Variants in CD96 observed in about 807,000 individuals in gnomAD.
The protein encoded by CD96 is CD96 molecule, also known as T-cell surface protein tactile.
A neutral mutation model predicts 71.3 loss-of-function variants in CD96; 70 were observed. That is an observed-to-expected ratio of 0.98 (90% CI 0.81 to 1.20). The LOEUF (loss-of-function observed/expected upper bound fraction) is 1.20, where lower values mean the gene tolerates loss of function less well. Ranked by LOEUF, CD96 falls within the 50% of genes most tolerant of loss-of-function variation. The pLI, the probability that CD96 is intolerant of heterozygous loss-of-function variation, is 0.00. For missense variants in CD96, 742 were observed against 677.5 expected, an observed-to-expected ratio of 1.10 and a Z score of -1.06; for synonymous variants, 248 against 233.0, an observed-to-expected ratio of 1.06 and a Z score of -0.59.
intron 2 of CD96, among the ~76,000 whole-genome samples, chr3:111,563,317 T>C (rs1475556022): frequency 6.6e-6 from 1 of 152,242 alleles, no homozygotes; most frequent in Non-Finnish European, 1.5e-5. Context: ...CGAAGTTTGC[T>C]TCTGTTATGG....
At chr3:111,664,235 A>G (rs1940427742) in intron 14 of CD96, among the ~76,000 whole-genome samples, 2 of 152,260 alleles carry the variant, frequency 1.3e-5, no homozygotes, top group Non-Finnish European at 2.9e-5. Flanking sequence ...TGCCCTTCAC[A>G]GTATCAAAAA....
intron 14 of CD96, among the ~76,000 whole-genome samples, chr3:111,663,341 C>A (rs1940402213): frequency 6.6e-6 from 1 of 152,290 alleles, no homozygotes; most frequent in South Asian, 2.1e-4. Flanking sequence ...GGTGAGGACA[C>A]AAAGCCAAAC....
chr3:111,570,610 T>G, intron 3 of CD96: 1 of 1,568,798 alleles, frequency 6.4e-7, no homozygotes, highest in Non-Finnish European at 8.7e-7. Flanking sequence ...ACAGGTGAGA[T>G]GTGAGACACC....
chr3:111,574,148 A>G (rs1936116440), intron 3 of CD96, among the ~76,000 whole-genome samples: 1 of 152,210 alleles, frequency 6.6e-6, no homozygotes, highest in Non-Finnish European at 1.5e-5. Flanking sequence ...AGCACCTGCC[A>G]TGTGCTGTGG....
At chr3:111,620,005 A>G (rs1397076097) in intron 8 of CD96, among the ~76,000 whole-genome samples, 1 of 152,208 alleles carries the variant, frequency 6.6e-6, no homozygotes, top group Non-Finnish European at 1.5e-5. Context: ...GGGCTTGTAA[A>G]AGCCCAGCCC....
chr3:111,582,270 A>G (rs1296344258), intron 4 of CD96, among the ~76,000 whole-genome samples: 1 of 152,172 alleles, frequency 6.6e-6, no homozygotes, highest in Non-Finnish European at 1.5e-5. Context: ...CTGTGACTGG[A>G]GGTTTAGCAT....
At chr3:111,591,305 G>A (rs1315048702) in intron 5 of CD96, among the ~76,000 whole-genome samples, 10 of 148,292 alleles carry the variant, frequency 6.7e-5, no homozygotes, top group South Asian at 2.2e-4. Flanking sequence ...CCCAGGAGGC[G>A]GAGGTTGCAG....
chr3:111,651,871 G>A lies in CD96; in HGVS notation c.*2065G>A, dbSNP rs1462151481. 2 of 142,390 alleles carry A rather than the reference G, an allele frequency of 1.4e-5. No individual in the cohort carries two copies. The highest frequency in any genetic ancestry group is 7.0e-5 in the Admixed American group (1 of 14,306). 8.8% of individuals were successfully genotyped at this position (142,390 alleles called of 1,614,324 possible). ...CACACTCCAATCTGGGTGAAAGACCGAGACTCCGCCTCAAAAAAAAAAAAA... is the reference window on the plus strand; with the variant it reads ...CACACTCCAATCTGGGTGAAAGACCAAGACTCCGCCTCAAAAAAAAAAAAA... On this transcript the variant is annotated 3_prime_UTR_variant, in exon 14 of 14. Coordinates refer to ENST00000352690, the MANE Select transcript of CD96 (RefSeq NM_005816.5).
At chr3:111,567,327 A>C (rs766951069) in intron 2 of CD96, among the ~76,000 whole-genome samples, 196 bp from the exon 3 acceptor site, 1 of 152,162 alleles carries the variant, frequency 6.6e-6, no homozygotes, top group Admixed American at 6.5e-5. Context: ...GTTTAGCAAC[A>C]ATTCTGTGCT....
At chr3:111,627,534 G>A (rs573726331) in intron 10 of CD96, among the ~76,000 whole-genome samples, 1 of 152,324 alleles carries the variant, frequency 6.6e-6, no homozygotes, top group Non-Finnish European at 1.5e-5. Context: ...CCCAGTGGGT[G>A]AGGCAGACAT....
At chr3:111,634,710 A>G (rs560629912) in intron 10 of CD96, 1 of 152,202 alleles carries the variant, frequency 6.6e-6, no homozygotes, top group African/African-American at 2.4e-5. Flanking sequence ...CAGCCTGACC[A>G]GAGTGGAGAA....
At chr3:111,610,071 T>G (rs1185393964) in intron 8 of CD96, among the ~76,000 whole-genome samples, 1 of 152,248 alleles carries the variant, frequency 6.6e-6, no homozygotes, top group East Asian at 1.9e-4. Flanking sequence ...GGCTTAGGTG[T>G]AATTACAGTA....
At chr3:111,604,992 A>G (rs566959278) in intron 7 of CD96, among the ~76,000 whole-genome samples, 46 of 152,358 alleles carry the variant, frequency 3.0e-4, no homozygotes, top group Non-Finnish European at 6.0e-4. Flanking sequence ...ACATCTAGGC[A>G]TTTATTTTCC....
At chr3:111,611,530 G>A (rs1438614055) in intron 8 of CD96, among the ~76,000 whole-genome samples, 1 of 152,200 alleles carries the variant, frequency 6.6e-6, no homozygotes, top group African/African-American at 2.4e-5. Context: ...GTTTGTGATA[G>A]CAACTTCTGA....
intron 2 of CD96, among the ~76,000 whole-genome samples, chr3:111,564,657 T>G (rs941377720): frequency 2.0e-5 from 3 of 152,188 alleles, no homozygotes; most frequent in African/African-American, 7.2e-5. Flanking sequence ...GATAATATGC[T>G]CTCATTGTTG....
chr3:111,662,181 G>T (rs1307563032), intron 14 of CD96, among the ~76,000 whole-genome samples: 1 of 152,252 alleles, frequency 6.6e-6, no homozygotes, highest in East Asian at 1.9e-4. Flanking sequence ...CACAGTTGGA[G>T]CTGGAGTGGC....
At chr3:111,548,790 G>T (rs909248323) in intron 2 of CD96, among the ~76,000 whole-genome samples, 2 of 152,118 alleles carry the variant, frequency 1.3e-5, no homozygotes, top group Non-Finnish European at 1.5e-5. Flanking sequence ...ATGTTGATAA[G>T]CTTGGTCTAA....
chr3:111,550,760 A>C (rs957995972), intron 2 of CD96, among the ~76,000 whole-genome samples: 2 of 152,128 alleles, frequency 1.3e-5, no homozygotes, highest in Non-Finnish European at 2.9e-5. Context: ...AAGGTTTGAA[A>C]CAGCTGCTAT....
intron 14 of CD96, among the ~76,000 whole-genome samples, chr3:111,661,315 G>A (rs1022285783): frequency 1.3e-5 from 2 of 151,952 alleles, no homozygotes; most frequent in Admixed American, 6.6e-5. Context: ...ATTTAGATGG[G>A]GACACAGATC....
Sources: gnomAD v4.1 joint callset for allele counts (sites outside exome capture counted in the v4.1 genomes callset) on GRCh38, gnomAD v4.1.1 for gene constraint, MANE v1.5 for transcripts, NCBI Gene and HGNC (gene_info 2026-07-23, HGNC 2026-07-21) for gene names.